The following LARP4B variants were observed in gnomAD, a reference collection of about 807,000 sequenced individuals.
LARP4B encodes la-related protein 4B.
In LARP4B, 12 loss-of-function variants were observed where a neutral mutation model predicts 89.8. That is an observed-to-expected ratio of 0.13 (90% confidence interval 0.09 to 0.22). LARP4B has a LOEUF of 0.22. Among genes scored for constraint, LARP4B ranks in the 10% least tolerant of loss-of-function variants. The pLI is 1.00. For synonymous variants in LARP4B, 367 were observed against 363.3 expected, an observed-to-expected ratio of 1.01 and a Z score of -0.12; for missense variants, 757 against 947.7, an observed-to-expected ratio of 0.80 and a Z score of 2.64.
At chr10:959,351 A>ACCTCCTCATCAATCCCC in the LARP4B span, among the ~76,000 whole-genome samples, 1 of 142,844 alleles carries the variant, frequency 7.0e-6, no homozygotes, top group African/African-American at 2.8e-5. Context: ...CATCAATCCC[A>ACCTCCTCATCAATCCCC]CCTCCCCGTC....
chr10:894,195 T>C (rs1344432398), intron 1 of LARP4B, among the ~76,000 whole-genome samples: 1 of 152,214 alleles, frequency 6.6e-6, no homozygotes, highest in Non-Finnish European at 1.5e-5. Context: ...ACTGGGCCTC[T>C]AGGCATTTTA....
At chr10:826,345 C>T (rs1378193261) in intron 11 of LARP4B, among the ~76,000 whole-genome samples, 3 of 152,214 alleles carry the variant, frequency 2.0e-5, no homozygotes, top group Non-Finnish European at 4.4e-5. Flanking sequence ...TTTACCTTTA[C>T]CCCGACACAA....
the LARP4B span, among the ~76,000 whole-genome samples, chr10:959,844 CA>C: frequency 4.9e-5 from 5 of 102,088 alleles, no homozygotes; most frequent in African/African-American, 7.4e-5. Flanking sequence ...TCGTCATTCC[CA>C]CCTCCTCGTC....
the LARP4B span, among the ~76,000 whole-genome samples, chr10:973,220 C>T: frequency 6.6e-6 from 1 of 152,158 alleles, no homozygotes; most frequent in African/African-American, 2.4e-5. Flanking sequence ...GGACAACTCA[C>T]CGGGGCAGGG....
chr10:893,906 T>C (rs373797849), intron 1 of LARP4B, among the ~76,000 whole-genome samples: 1 of 152,170 alleles, frequency 6.6e-6, no homozygotes, highest in Admixed American at 6.5e-5. Flanking sequence ...CACCCACTTA[T>C]TATTCCCAAG....
intron 1 of LARP4B, among the ~76,000 whole-genome samples, chr10:891,098 A>T (rs2131953620): frequency 6.6e-6 from 1 of 152,166 alleles, no homozygotes; most frequent in Admixed American, 6.5e-5. Context: ...GAATTTATAT[A>T]CCTCCTGACG....
At chr10:946,313 CCTT>C in the LARP4B span, among the ~76,000 whole-genome samples, 1 of 152,140 alleles carries the variant, frequency 6.6e-6, no homozygotes, top group Non-Finnish European at 1.5e-5. Flanking sequence ...ACACCCCTTT[CCTT>C]CTGTGGGAAA....
chr10:960,571 G>A, the LARP4B span, among the ~76,000 whole-genome samples: 1 of 151,942 alleles, frequency 6.6e-6, no homozygotes, highest in Non-Finnish European at 1.5e-5. Flanking sequence ...TTAGCTGGGT[G>A]TGGTAGCACA....
chr10:964,830 T>C, the LARP4B span, among the ~76,000 whole-genome samples: 1 of 152,166 alleles, frequency 6.6e-6, no homozygotes, highest in Non-Finnish European at 1.5e-5. Flanking sequence ...GTGTTTGTCA[T>C]GGGCGTAGAC....
the LARP4B span, among the ~76,000 whole-genome samples, chr10:984,452 T>C: frequency 1.3e-5 from 2 of 152,206 alleles, no homozygotes; most frequent in East Asian, 3.8e-4. Flanking sequence ...ATGCAAAGAA[T>C]GTTTTTAACA....
At chr10:846,396 A>T (rs184849094) in intron 5 of LARP4B, among the ~76,000 whole-genome samples, 4 of 152,314 alleles carry the variant, frequency 2.6e-5, no homozygotes, top group South Asian at 4.2e-4. Context: ...GCCTGGTGCC[A>T]TCCAGACAGG....
chr10:949,567 C>T, the LARP4B span, among the ~76,000 whole-genome samples: 42 of 152,332 alleles, frequency 2.8e-4, no homozygotes, highest in African/African-American at 8.7e-4. Flanking sequence ...CCACCAGCCC[C>T]GGGTGAGTGA....
chr10:906,222 CTA>C (rs760074415), intron 1 of LARP4B, among the ~76,000 whole-genome samples: 1 of 152,338 alleles, frequency 6.6e-6, no homozygotes. Context: ...TACAATGCTT[CTA>C]TGACTCTTCT....
the LARP4B span, among the ~76,000 whole-genome samples, chr10:959,407 C>CCGT: frequency 1.3e-4 from 13 of 100,560 alleles, 4 homozygotes; most frequent in Non-Finnish European, 2.4e-4. Context: ...ATCCACCTCC[C>CCGT]CATCAATCCA....
chr10:842,904 T>A (rs1469139933), intron 7 of LARP4B, 28 bp downstream of exon 7: 1 of 1,601,378 alleles, frequency 6.2e-7, no homozygotes, highest in Admixed American at 1.7e-5. Flanking sequence ...AGGACAAGTA[T>A]TATTAATTTA....
At chr10:853,761 T>C (rs1834168119) in intron 5 of LARP4B, among the ~76,000 whole-genome samples, 1 of 152,220 alleles carries the variant, frequency 6.6e-6, no homozygotes, top group African/African-American at 2.4e-5. Context: ...ATAATCTTTT[T>C]TGCTGGTCCT....
intron 1 of LARP4B, among the ~76,000 whole-genome samples, chr10:924,063 C>T (rs1837065677): frequency 1.3e-5 from 2 of 151,830 alleles, no homozygotes; most frequent in South Asian, 2.1e-4. Flanking sequence ...GTGAGACCCG[C>T]CACCTCTACA....
At chr10:823,814 G>C (rs982432854) in intron 13 of LARP4B, among the ~76,000 whole-genome samples, 2 of 151,958 alleles carry the variant, frequency 1.3e-5, no homozygotes, top group Admixed American at 1.3e-4. Flanking sequence ...GACACGGTGG[G>C]CCCCTTTTGG....
Position 845,067 on chromosome 10 carries a change from T to C in LARP4B, c.431-12A>G. ...AGACTCATTTCCTCCTACATAAAAG[T>C]AATAATCAACTTAGGAAAACCGGCT... On this transcript the variant is annotated splice_polypyrimidine_tract_variant and intron_variant, in intron 5 of 17. Coordinates refer to ENST00000316157, the MANE Select transcript of LARP4B (RefSeq NM_015155.3). The C allele has an allele frequency of 1.9e-6, 3 of 1,596,682 alleles. No homozygotes were observed. Among genetic ancestry groups the C allele is most frequent in the Non-Finnish European group, 2.6e-6 (3 of 1,171,304 alleles).
Sources: gnomAD v4.1 joint callset for allele counts (sites outside exome capture counted in the v4.1 genomes callset) on GRCh38, gnomAD v4.1.1 for gene constraint, MANE v1.5 for transcripts, NCBI Gene and HGNC (gene_info 2026-07-23, HGNC 2026-07-21) for gene names.